PARP4: variants seen among roughly 807,000 people sequenced by gnomAD.
PARP4 encodes the protein protein mono-ADP-ribosyltransferase PARP4.
In PARP4, 120 loss-of-function variants were observed where a neutral mutation model predicts 187.7. The observed-to-expected ratio is 0.64, with a 90% CI of 0.55 to 0.74. The LOEUF is 0.74. Among genes scored for constraint, PARP4 ranks in the 30% least tolerant of loss-of-function variants. The pLI, the probability that PARP4 is intolerant of heterozygous loss-of-function variation, is 0.00. For synonymous variants in PARP4, 654 were observed against 740.9 expected (o/e 0.88, Z 1.90); for missense variants, 1,836 against 2,070.5 (o/e 0.89, Z 2.20).
At position 24,453,617 on chromosome 13, in the gene PARP4, T is replaced by TGTGATATGC; in HGVS notation, c.2787_2795dup (p.His930_Thr932dup). ...TGAACTCTGCTGCCATGGTATTGCT[T>TGTGATATGC]GTGATATGCTTAGGATACGAAAATA... On this transcript the variant is annotated inframe_insertion, in exon 23 of 34. Coordinates refer to ENST00000381989, the MANE Select transcript of PARP4 (RefSeq NM_006437.4). 1 of 1,606,966 alleles carries TGTGATATGC rather than the reference T, an allele frequency of 6.2e-7. No homozygotes were observed. Among genetic ancestry groups the TGTGATATGC allele is most frequent in the South Asian group, 1.1e-5 (1 of 90,904 alleles).
At position 24,455,068 on chromosome 13, in the gene PARP4, G is replaced by A; in HGVS notation, c.2707C>T (p.Leu903=). 2.5e-6 allele frequency: 4 copies of A among 1,613,086 alleles called. No individual in the cohort carries two copies. The highest frequency in any genetic ancestry group is 3.4e-6 in the Non-Finnish European group (4 of 1,179,200). Reference sequence around the variant, plus strand: ...TTCTGCTTCTCACCCACCAAGGACAGCGCATGCAAGGCGATTTGCTTGGCT... The same window carrying A: ...TTCTGCTTCTCACCCACCAAGGACAACGCATGCAAGGCGATTTGCTTGGCT... The part of the protein sequence containing the change: ...LQAKQIALHA[L]SLVGEKQKVN... Residue 903 remains leucine (L), a synonymous_variant, in exon 22 of 34, where the codon CTG becomes TTG. Transcript: ENST00000381989.
intron 15 of PARP4, among the ~76,000 whole-genome samples, chr13:24,472,891 G>GTTTTT (rs3978786): frequency 9.1e-6 from 1 of 109,574 alleles, no homozygotes. Context: ...AACACCCTGA[G>GTTTTT]TTTTTTTTTT....
intron 1 of PARP4, among the ~76,000 whole-genome samples, chr13:24,510,998 G>T (rs1020684127): frequency 1.3e-5 from 2 of 152,148 alleles, no homozygotes; most frequent in African/African-American, 4.8e-5. Context: ...ATGTTGCCAA[G>T]GCTGGTCACA....
chr13:24,494,360 A>G (rs1204943948), intron 7 of PARP4, among the ~76,000 whole-genome samples: 1 of 152,014 alleles, frequency 6.6e-6, no homozygotes, highest in Admixed American at 6.6e-5. Context: ...TTCCTGGGTA[A>G]TGTTTTTCAG....
intron 1 of PARP4, among the ~76,000 whole-genome samples, chr13:24,507,330 C>G (rs1249707715): frequency 2.0e-5 from 3 of 152,228 alleles, no homozygotes; most frequent in African/African-American, 7.2e-5. Flanking sequence ...ACGCTGTCAC[C>G]TTTCAGTACC....
rs1870175337 is a variant in PARP4, at chr13:24,428,549, C to CT, written c.4847-1952dup. On this transcript the variant is annotated intron_variant, in intron 32 of 33. Coordinates refer to ENST00000381989, the MANE Select transcript of PARP4 (RefSeq NM_006437.4). ...GGGCTGGAGTGCAGTGGCACAATCACTGCTCACTGCAGCCTCAACATCCCA... is the reference window on the plus strand; with the variant it reads ...GGGCTGGAGTGCAGTGGCACAATCACTTGCTCACTGCAGCCTCAACATCCCA... Among the ~76,000 whole-genome samples, 4 of 152,200 alleles carry CT rather than the reference C, an allele frequency of 2.6e-5. No individual in the cohort carries two copies. The South Asian group carries it at 8.3e-4, about 32-fold the overall frequency.
intron 15 of PARP4, among the ~76,000 whole-genome samples, chr13:24,474,192 T>C (rs1221984909): frequency 6.6e-6 from 1 of 152,192 alleles, no homozygotes; most frequent in Non-Finnish European, 1.5e-5. Flanking sequence ...CTTTCTCTTG[T>C]GTCCCGTCCC....
chr13:24,457,770 C>CAAAAAAAAAAAAAAAAAAAAAAA (rs33930012), intron 20 of PARP4, among the ~76,000 whole-genome samples: 2 of 85,664 alleles, frequency 2.3e-5, no homozygotes, highest in African/African-American at 1.0e-4. Context: ...GACTCTGTCT[C>CAAAAAAAAAAAAAAAAAAAAAAA]AAAAAAAAAA....
intron 31 of PARP4, among the ~76,000 whole-genome samples, chr13:24,433,977 T>C (rs891435083): frequency 2.6e-5 from 4 of 152,228 alleles, no homozygotes; most frequent in Non-Finnish European, 5.9e-5. Flanking sequence ...CCATGACCTA[T>C]GTGAAAATAT....
At chr13:24,445,369 T>C (rs1345375406) in intron 27 of PARP4, among the ~76,000 whole-genome samples, 1 of 151,974 alleles carries the variant, frequency 6.6e-6, no homozygotes, top group Non-Finnish European at 1.5e-5. Flanking sequence ...GGCTGGTTGC[T>C]GGGGAACCAA....
intron 12 of PARP4, among the ~76,000 whole-genome samples, chr13:24,484,172 C>A (rs1436848049): frequency 6.6e-6 from 1 of 152,024 alleles, no homozygotes; most frequent in African/African-American, 2.4e-5. Flanking sequence ...ATGAGGTTGG[C>A]AGATGATGTA....
rs370824752 is a variant in PARP4 at position 24,449,670 on chromosome 13, A to G, written c.3114+48T>C. 5.8e-6 allele frequency: 6 copies of G among 1,035,824 alleles called. No homozygotes were observed. The African/African-American group carries it at 8.0e-5, about 14-fold the overall frequency. The allele number at this position is 1,035,824 out of a possible 1,614,324, so 64.2% of individuals were successfully genotyped here. ...TCCTATTTCTTAGTCTCGGAAGAAT[A>G]AGAGATTTCCAAACATAAATATAAA... is the stretch of plus-strand genomic sequence containing the variant. On this transcript the variant is annotated intron_variant, in intron 25 of 33. Transcript: ENST00000381989.
At chr13:24,486,018 A>T in intron 11 of PARP4, 150 bp downstream of exon 11, 7 of 636,028 alleles carry the variant, frequency 1.1e-5, no homozygotes, top group Non-Finnish European at 1.6e-5. Flanking sequence ...ACTTAATTAT[A>T]AAGTGTGTAA....
intron 17 of PARP4, among the ~76,000 whole-genome samples, chr13:24,464,161 T>C (rs1347116357): frequency 6.6e-6 from 1 of 152,134 alleles, no homozygotes; most frequent in African/African-American, 2.4e-5. Flanking sequence ...CACGAACAAA[T>C]GGAAAAACAT....
chr13:24,456,473 T>C lies in PARP4; in HGVS notation c.2430A>G (p.Thr810=), dbSNP rs774735957. ...SDTHELKQKR[T]DCKAVISTME... is the part of the protein sequence containing the mutation. ...TGGTGCTAATGACAGCTTTGCAGTC[T>C]GTGCGCTGCAAAACAAACACCGCGA... The change falls in exon 21 of 34, where the codon ACA becomes ACG. Residue 810 remains threonine (T), a synonymous_variant. Transcript: ENST00000381989. 1.9e-6 allele frequency: 3 copies of C among 1,592,328 alleles called. No individual in the cohort carries two copies. The highest frequency in any genetic ancestry group is 1.3e-5 in the African/African-American group (1 of 74,592).
At chr13:24,498,577 G>A (rs1943275617) in intron 5 of PARP4, among the ~76,000 whole-genome samples, 1 of 152,040 alleles carries the variant, frequency 6.6e-6, no homozygotes, top group Non-Finnish European at 1.5e-5. Context: ...TCACTTTGAA[G>A]GCTAGTGTCG....
intron 1 of PARP4, among the ~76,000 whole-genome samples, chr13:24,510,301 T>G (rs1255919595): frequency 1.3e-5 from 2 of 152,074 alleles, no homozygotes; most frequent in African/African-American, 2.4e-5. Flanking sequence ...ACACCTGTAA[T>G]CCCAGCATTT....
At chr13:24,444,552 TA>T (rs1161374885) in intron 27 of PARP4, among the ~76,000 whole-genome samples, 16 of 152,186 alleles carry the variant, frequency 1.1e-4, no homozygotes, top group Middle Eastern at 3.4e-3. Flanking sequence ...CTCCTTTGAA[TA>T]AAAAAACTAC....
In PARP4 at chr13:24,449,815, G is replaced by A. The variant is rs2137465912; in HGVS notation, c.3017C>T (p.Ser1006Phe). 6.4e-7 allele frequency: 1 copy of A among 1,568,034 alleles called. No individual in the cohort carries two copies. Among genetic ancestry groups the A allele is most frequent in the South Asian group, 1.1e-5 (1 of 89,560 alleles). ...HTRLFACGIG[S>F]TANRHVLRIL... ...CCTTAAGACGTGACGATTTGCTGTA[G>A]AACTGATCACATTTCACATGTTTTA... Residue 1006 changes from serine (S) to phenylalanine (F), a missense_variant and splice_region_variant, in exon 25 of 34, where the codon TCT becomes TTT. Coordinates refer to ENST00000381989, the MANE Select transcript of PARP4 (RefSeq NM_006437.4).
Sources: allele counts gnomAD v4.1 joint callset (sites outside exome capture counted in the v4.1 genomes callset), GRCh38; gene constraint gnomAD v4.1.1; transcripts MANE v1.5; gene names NCBI Gene and HGNC (gene_info 2026-07-23, HGNC 2026-07-21).